The following CSF1R variants were observed in gnomAD, a reference collection of about 807,000 sequenced individuals.
CSF1R encodes the protein macrophage colony-stimulating factor 1 receptor.
A neutral mutation model predicts 110.0 loss-of-function variants in CSF1R; 40 were observed. The ratio of observed to expected loss-of-function variants is 0.36; its 90% CI spans 0.28 to 0.47. CSF1R has a LOEUF of 0.47. Among genes scored for constraint, CSF1R ranks in the 20% least tolerant of loss-of-function variants. The pLI is 0.99. For missense variants in CSF1R, 1,052 were observed against 1,253.0 expected (o/e 0.84, Z 2.42); for synonymous variants, 523 against 503.4 (o/e 1.04, Z -0.52).
Position 150,056,406 on chromosome 5 carries a change from T to C in CSF1R, c.2320-65A>G, listed in dbSNP as rs892697513. 3.8e-6 allele frequency: 6 copies of C among 1,594,040 alleles called. No homozygotes were observed. In the African/African-American group the frequency reaches 6.7e-5, roughly 18 times the overall value. On this transcript the variant is annotated intron_variant, in intron 16 of 20. Transcript: ENST00000675795. ...CTACCTGAGCCTGAGGTGAGGAGGA[T>C]GGCAGGGAGGGCCCCACATGGCTTT...
chr5:150,096,559 T>C (rs182211728), intron 1 of CSF1R, among the ~76,000 whole-genome samples: 10 of 152,204 alleles, frequency 6.6e-5, no homozygotes, highest in Admixed American at 2.0e-4. Flanking sequence ...ATATCCCTTA[T>C]GAAAATAGAT....
chr5:150,097,562 C>G (rs1260236182), intron 1 of CSF1R, among the ~76,000 whole-genome samples: 1 of 151,932 alleles, frequency 6.6e-6, no homozygotes, highest in Non-Finnish European at 1.5e-5. Context: ...GTTACTAGAA[C>G]TGTAAGTAAA....
At chr5:150,060,825 C>CT (rs1313371202) in intron 13 of CSF1R, 37 bp downstream of exon 13, 2 of 1,439,440 alleles carry the variant, frequency 1.4e-6, no homozygotes, top group East Asian at 4.7e-5. Flanking sequence ...CCCCAGAGGC[C>CT]CCAAGACCTT....
chr5:150,081,485 A>G (rs1032481727), intron 1 of CSF1R, among the ~76,000 whole-genome samples: 2 of 152,192 alleles, frequency 1.3e-5, no homozygotes, highest in African/African-American at 2.4e-5. Flanking sequence ...AAAGAGATGT[A>G]GGATCTTAGC....
chr5:150,100,174 A>C (rs1441411955), intron 1 of CSF1R, among the ~76,000 whole-genome samples: 1 of 151,866 alleles, frequency 6.6e-6, no homozygotes, highest in Non-Finnish European at 1.5e-5. Flanking sequence ...GTGAGAGCCC[A>C]TCTCTTAAAA....
chr5:150,073,410 C>T lies in CSF1R; in HGVS notation c.973G>A (p.Val325Met). Residue 325 changes from valine (V) to methionine (M), a missense_variant, in exon 6 of 21, where the codon GTG (valine) becomes ATG (methionine). Physicochemically the swap from Val to Met is conservative, Grantham distance 21 (BLOSUM62 1). Transcript: ENST00000675795. ...VGEGLNLKVMVEAYPGLQGFN... is the reference protein window; with the variant it reads ...VGEGLNLKVMMEAYPGLQGFN... ...CCTTGCAGGCCTGGGTAGGCCTCCA[C>T]CATGACTTTGAGGTTGAGCCCCTCC... The T allele has an allele frequency of 1.2e-6, 2 of 1,614,142 alleles. No individual in the cohort carries two copies. Among genetic ancestry groups the T allele is most frequent in the Non-Finnish European group, 1.7e-6 (2 of 1,180,020 alleles).
chr5:150,078,285 C>T, intron 3 of CSF1R, 37 bp from the exon 4 acceptor site: 2 of 1,611,590 alleles, frequency 1.2e-6, no homozygotes, highest in East Asian at 2.2e-5. Flanking sequence ...CACCCAGGCT[C>T]CCTGAACATG....
chr5:150,078,529 G>A (rs1395246397), intron 3 of CSF1R, among the ~76,000 whole-genome samples: 3 of 151,980 alleles, frequency 2.0e-5, no homozygotes, highest in Non-Finnish European at 4.4e-5. Flanking sequence ...AGACCTCCCT[G>A]CCTCCCTCCA....
At chr5:150,075,599 T>C (rs181350722) in intron 5 of CSF1R, among the ~76,000 whole-genome samples, 92 of 152,344 alleles carry the variant, frequency 6.0e-4, no homozygotes, top group Non-Finnish European at 1.1e-3. Context: ...GCAAATGCTA[T>C]ATAATTTGTT....
chr5:150,102,222 G>GA (rs751410188), intron 1 of CSF1R, among the ~76,000 whole-genome samples: 2 of 152,156 alleles, frequency 1.3e-5, no homozygotes, highest in East Asian at 3.9e-4. Flanking sequence ...GTTCCCCTAA[G>GA]AAGGCCGTGA....
At chr5:150,097,490 T>G (rs2113859464) in intron 1 of CSF1R, among the ~76,000 whole-genome samples, 1 of 152,170 alleles carries the variant, frequency 6.6e-6, no homozygotes, top group South Asian at 2.1e-4. Context: ...AGAAATATAA[T>G]GGTCTCTGTT....
chr5:150,070,308 G>A lies in CSF1R; in HGVS notation c.1199-6C>T, dbSNP rs1037469343. ...GACGCTTACCTCTGGGGGGTCTGAGGAAGAAAGGAGGAGGCCCCAAGTCAC... is the reference window on the plus strand; with the variant it reads ...GACGCTTACCTCTGGGGGGTCTGAGAAAGAAAGGAGGAGGCCCCAAGTCAC... On this transcript the variant is annotated splice_polypyrimidine_tract_variant and splice_region_variant and intron_variant, in intron 7 of 20. Transcript: ENST00000675795. 24 of 1,613,206 alleles carry A rather than the reference G, an allele frequency of 1.5e-5. No individual in the cohort carries two copies. Among genetic ancestry groups the A allele is most frequent in the Non-Finnish European group, 1.9e-5 (23 of 1,179,548 alleles).
At chr5:150,101,374 A>C (rs1759397947) in intron 1 of CSF1R, among the ~76,000 whole-genome samples, 1 of 152,222 alleles carries the variant, frequency 6.6e-6, no homozygotes, top group South Asian at 2.1e-4. Flanking sequence ...AATACTGTAG[A>C]TGAGAGAGAA....
intron 6 of CSF1R, among the ~76,000 whole-genome samples, chr5:150,071,359 T>A (rs540616281): frequency 2.6e-5 from 4 of 152,332 alleles, no homozygotes; most frequent in African/African-American, 9.6e-5. Context: ...ATACATTTTT[T>A]AAAAAGTCCC....
At chr5:150,090,243 T>C (rs1297014419), upstream of CSF1R, among the ~76,000 whole-genome samples, 4 of 152,198 alleles carry the variant, frequency 2.6e-5, no homozygotes, top group African/African-American at 9.7e-5. Context: ...AGAATGAATA[T>C]TTATATCCAC....
chr5:150,078,723 C>G (rs578118765), intron 3 of CSF1R, among the ~76,000 whole-genome samples: 1 of 152,188 alleles, frequency 6.6e-6, no homozygotes, highest in Non-Finnish European at 1.5e-5. Context: ...TGCACTGCAG[C>G]CCGCTGGACC....
chr5:150,068,366 G>T, intron 9 of CSF1R, 36 bp from the exon 10 acceptor site: 1 of 1,542,256 alleles, frequency 6.5e-7, no homozygotes, highest in South Asian at 1.1e-5. Flanking sequence ...AGCAGGCAGG[G>T]GTGCCTCCGA....
At chr5:150,061,067 G>T in intron 12 of CSF1R, 95 bp from the exon 13 acceptor site, 1 of 880,858 alleles carries the variant, frequency 1.1e-6, no homozygotes, top group Non-Finnish European at 1.8e-6. Flanking sequence ...ACCCAGGGGA[G>T]AAAGCAGGGC....
At chr5:150,086,225 C>A (rs1030551613) in intron 1 of CSF1R, among the ~76,000 whole-genome samples, 154 bp downstream of exon 1, 1 of 152,232 alleles carries the variant, frequency 6.6e-6, no homozygotes, top group Admixed American at 6.5e-5. Flanking sequence ...ACCCCACTAC[C>A]TCTCCAAAGC....
Sources: gnomAD v4.1 joint callset for allele counts (sites outside exome capture counted in the v4.1 genomes callset) on GRCh38, gnomAD v4.1.1 for gene constraint, MANE v1.5 for transcripts, NCBI Gene and HGNC (gene_info 2026-07-23, HGNC 2026-07-21) for gene names.